ADCK1: variants seen among roughly 807,000 people sequenced by gnomAD.
ADCK1 encodes the protein aarF domain containing kinase 1, also known as aarF domain-containing protein kinase 1.
A neutral mutation model predicts 52.3 loss-of-function variants in ADCK1; 41 were observed. The ratio of observed to expected loss-of-function variants is 0.78; its 90% confidence interval spans 0.61 to 1.02. The LOEUF (loss-of-function observed/expected upper bound fraction) is 1.02. Among genes scored for constraint, ADCK1 ranks in the 50% least tolerant of loss-of-function variants. The pLI is 0.00. For missense variants in ADCK1, 658 were observed against 679.5 expected (o/e 0.97, Z 0.35); for synonymous variants, 250 against 274.6 (o/e 0.91, Z 0.89).
At chr14:77,886,509 C>T (rs1219990962) in intron 4 of ADCK1, among the ~76,000 whole-genome samples, 2 of 152,190 alleles carry the variant, frequency 1.3e-5, no homozygotes. Context: ...GGCCCGTGCA[C>T]AGGTATGAGG....
Position 77,860,564 on chromosome 14 carries a change from A to C in ADCK1, c.423+1285A>C, listed in dbSNP as rs78208247. On this transcript the variant is annotated intron_variant, in intron 4 of 10. Transcript: ENST00000238561. The stretch of plus-strand genomic sequence containing the variant: ...TCATACAGCAGGTGAACATAGAAAC[A>C]TCTCTGACTCCTCTGCCACTGAGGA... Among the ~76,000 whole-genome samples the C allele has an allele frequency of 1.5e-3, 234 of 152,256 alleles. 4 individuals carry two copies. In the East Asian group the frequency reaches 0.022, roughly 15 times the overall value.
At chr14:77,813,237 G>T (rs2081371954) in intron 1 of ADCK1, among the ~76,000 whole-genome samples, 1 of 150,842 alleles carries the variant, frequency 6.6e-6, no homozygotes. Context: ...CCCGACCTCA[G>T]GTGATCCACC....
At chr14:77,833,194 G>A (rs1470322366) in intron 3 of ADCK1, among the ~76,000 whole-genome samples, 13 of 152,212 alleles carry the variant, frequency 8.5e-5, no homozygotes, top group Admixed American at 8.5e-4. Context: ...GGCATGTTCA[G>A]GGGTAGCTTT....
intron 7 of ADCK1, among the ~76,000 whole-genome samples, chr14:77,921,342 A>AAAT (rs1368043295): frequency 1.3e-5 from 2 of 149,356 alleles, no homozygotes; most frequent in East Asian, 3.9e-4. Context: ...AAAAAAAAAA[A>AAAT]AAAAAAGAAA....
Position 77,870,624 on chromosome 14 carries a change from C to T in ADCK1, c.423+11345C>T, listed in dbSNP as rs1594978789. Among the ~76,000 whole-genome samples, 2 of 152,196 alleles carry T rather than the reference C, an allele frequency of 1.3e-5. 1 individual carries two copies. Among genetic ancestry groups the T allele is most frequent in the Admixed American group, 1.3e-4 (2 of 15,274 alleles). Reference sequence around the variant, plus strand: ...TTTTAGCTGTCTCCCTAAGCTGGGGCAGGTGCCATTTTTTTCTCCCCTCAA... The same window carrying T: ...TTTTAGCTGTCTCCCTAAGCTGGGGTAGGTGCCATTTTTTTCTCCCCTCAA... On this transcript the variant is annotated intron_variant, in intron 4 of 10. Transcript: ENST00000238561.
intron 3 of ADCK1, among the ~76,000 whole-genome samples, chr14:77,834,092 T>G (rs893630090): frequency 3.3e-5 from 5 of 152,218 alleles, no homozygotes; most frequent in African/African-American, 1.2e-4. Context: ...ATATCCAGAA[T>G]TAAGCAGTAT....
chr14:77,867,761 C>T (rs2082693744), intron 4 of ADCK1, among the ~76,000 whole-genome samples: 1 of 152,176 alleles, frequency 6.6e-6, no homozygotes, highest in Admixed American at 6.5e-5. Context: ...CGGCCTGTGT[C>T]CTGCACCTTG....
At position 77,887,227 on chromosome 14, in the gene ADCK1, C is replaced by G. The variant is rs779266129; in HGVS notation, c.560C>G (p.Ser187Trp). 19 of 1,591,614 alleles carry G rather than the reference C, an allele frequency of 1.2e-5. No homozygotes were observed. The highest frequency in any genetic ancestry group is 1.5e-5 in the Non-Finnish European group (18 of 1,168,912). Reference sequence around the variant, plus strand: ...CACCCAAAGGTGCGGGCTCAGAGCTCGAAGGACATTCTCCTGATGGAGGTG... The same window carrying G: ...CACCCAAAGGTGCGGGCTCAGAGCTGGAAGGACATTCTCCTGATGGAGGTG... Reference protein sequence around the residue: ...VQHPKVRAQSSKDILLMEVLV... With the variant: ...VQHPKVRAQSWKDILLMEVLV... The change falls in exon 5 of 11, where the codon TCG becomes TGG. Residue 187 changes from serine (S) to tryptophan (W), a missense_variant. Ser to Trp is a radical substitution (Grantham distance 177, BLOSUM62 -3). Coordinates refer to ENST00000238561, the MANE Select transcript of ADCK1 (RefSeq NM_020421.4).
At chr14:77,927,293 C>T (rs747984457) in intron 9 of ADCK1, among the ~76,000 whole-genome samples, 15 of 152,360 alleles carry the variant, frequency 9.8e-5, no homozygotes, top group Admixed American at 5.2e-4. Flanking sequence ...GACCAACTCT[C>T]GGCTTCTACA....
intron 1 of ADCK1, among the ~76,000 whole-genome samples, chr14:77,814,695 C>CAAAAAAAAAAAA (rs995163952): frequency 1.1e-3 from 40 of 35,896 alleles, no homozygotes; most frequent in Non-Finnish European, 1.3e-3. Flanking sequence ...AAGACACTCT[C>CAAAAAAAAAAAA]AAAAAAAAAA....
chr14:77,927,113 C>T (rs758423396), intron 9 of ADCK1, among the ~76,000 whole-genome samples: 2 of 152,162 alleles, frequency 1.3e-5, no homozygotes, highest in Non-Finnish European at 2.9e-5. Flanking sequence ...CTCTTTGAGC[C>T]TCAGGGTAAG....
chr14:77,829,177 G>A (rs113501602), intron 3 of ADCK1, among the ~76,000 whole-genome samples: 7 of 151,284 alleles, frequency 4.6e-5, no homozygotes, highest in African/African-American at 1.7e-4. Context: ...TAGGTATATC[G>A]TTTTGCTACT....
At chr14:77,892,487 ATTGT>A (rs1203386624) in intron 5 of ADCK1, among the ~76,000 whole-genome samples, 1 of 152,108 alleles carries the variant, frequency 6.6e-6, no homozygotes, top group Non-Finnish European at 1.5e-5. Context: ...CCAGCACCTC[ATTGT>A]TTGTAATGAC....
chr14:77,861,547 C>G (rs1464788252), intron 4 of ADCK1, among the ~76,000 whole-genome samples: 4 of 151,954 alleles, frequency 2.6e-5, no homozygotes, highest in Non-Finnish European at 5.9e-5. Flanking sequence ...CCATGCCAGC[C>G]CTAAGACCTT....
At chr14:77,838,196 G>T (rs185674594) in intron 3 of ADCK1, among the ~76,000 whole-genome samples, 2 of 152,160 alleles carry the variant, frequency 1.3e-5, no homozygotes, top group African/African-American at 4.8e-5. Flanking sequence ...GTTACAGCAA[G>T]ACTTTTTAAT....
intron 4 of ADCK1, among the ~76,000 whole-genome samples, chr14:77,864,508 AG>A (rs1489496650): frequency 6.6e-6 from 1 of 152,022 alleles, no homozygotes; most frequent in Non-Finnish European, 1.5e-5. Context: ...ACTTGATGGG[AG>A]GGGGTAAAAG....
chr14:77,818,933 C>T (rs1396095554), intron 1 of ADCK1, 35 bp from the exon 2 acceptor site: 1 of 1,607,140 alleles, frequency 6.2e-7, no homozygotes. Context: ...AAACTTTTAA[C>T]TGCTATTCTT....
intron 4 of ADCK1, among the ~76,000 whole-genome samples, chr14:77,884,377 C>T (rs912739119): frequency 5.9e-5 from 9 of 152,258 alleles, no homozygotes; most frequent in Non-Finnish European, 1.2e-4. Context: ...AGGACATTGC[C>T]GAGGCTCTGC....
At chr14:77,819,222 T>C in intron 2 of ADCK1, 109 bp downstream of exon 2, 5 of 1,473,762 alleles carry the variant, frequency 3.4e-6, no homozygotes, top group Non-Finnish European at 4.6e-6. Flanking sequence ...GATACTTGTG[T>C]ATCCTTACAT....
Sources: gnomAD v4.1 joint callset for allele counts (sites outside exome capture counted in the v4.1 genomes callset) on GRCh38, gnomAD v4.1.1 for gene constraint, MANE v1.5 for transcripts, NCBI Gene and HGNC (gene_info 2026-07-23, HGNC 2026-07-21) for gene names.